The following VWC2 variants were observed in gnomAD, a reference collection of about 807,000 sequenced individuals.
VWC2 encodes von Willebrand factor C domain containing 2.
Under a neutral mutation model 29.8 loss-of-function variants are expected in VWC2, and 14 were observed. The ratio of observed to expected loss-of-function variants is 0.47; its 90% CI spans 0.31 to 0.74. The LOEUF (loss-of-function observed/expected upper bound fraction) is 0.74, where lower values mean the gene tolerates loss of function less well. VWC2 is among the 30% of genes least tolerant of loss of function. The pLI, the probability that VWC2 is intolerant of heterozygous loss-of-function variation, is 0.05. For synonymous variants in VWC2, 213 were observed against 199.0 expected, an observed-to-expected ratio of 1.07 and a Z score of -0.59; for missense variants, 457 against 459.8, an observed-to-expected ratio of 0.99 and a Z score of 0.05.
chr7:49,911,480 CAAAA>C (rs34782644), intron 3 of VWC2, among the ~76,000 whole-genome samples: 1 of 71,628 alleles, frequency 1.4e-5, no homozygotes, highest in Non-Finnish European at 2.5e-5. Flanking sequence ...GACTCTGTCT[CAAAA>C]AAAAAAAAAA....
chr7:49,823,943 C>A (rs984046110), intron 3 of VWC2, among the ~76,000 whole-genome samples: 4 of 150,936 alleles, frequency 2.7e-5, no homozygotes, highest in South Asian at 4.2e-4. Flanking sequence ...TATTGTTATT[C>A]TTTTTATTGT....
chr7:49,906,804 A>C (rs1194619787), intron 3 of VWC2, among the ~76,000 whole-genome samples: 1 of 150,852 alleles, frequency 6.6e-6, no homozygotes, highest in East Asian at 2.1e-4. Context: ...TTCTGCCTCT[A>C]GGATTGTGTG....
chr7:49,836,026 T>A (rs1342715718), intron 3 of VWC2, among the ~76,000 whole-genome samples: 3 of 152,196 alleles, frequency 2.0e-5, no homozygotes, highest in Non-Finnish European at 4.4e-5. Context: ...AATTTGCAAA[T>A]GATAATGAAT....
At chr7:49,901,081 A>C (rs1792698538) in intron 3 of VWC2, 1 of 151,936 alleles carries the variant, frequency 6.6e-6, no homozygotes. Context: ...CAACTTGATA[A>C]AGACTATTTA....
At chr7:49,861,729 A>G (rs1790659729) in intron 3 of VWC2, among the ~76,000 whole-genome samples, 1 of 152,224 alleles carries the variant, frequency 6.6e-6, no homozygotes, top group Non-Finnish European at 1.5e-5. Flanking sequence ...TAGTTGTCCC[A>G]GCACCATTTC....
In VWC2 at chr7:49,791,922, T is replaced by C. The variant is rs115598575; in HGVS notation, c.697-10789T>C. Among the ~76,000 whole-genome samples, 733 of 152,324 alleles carry C rather than the reference T, an allele frequency of 4.8e-3. 3 individuals carry two copies. Among genetic ancestry groups the C allele is most frequent in the African/African-American group, 0.016 (686 of 41,578 alleles). ...CTCATGATTCTTAAAAGCACAGCAA[T>C]TATGTAGTTACTTGTTCTACTTACT... On this transcript the variant is annotated intron_variant, in intron 2 of 3. Coordinates refer to ENST00000340652, the MANE Select transcript of VWC2 (RefSeq NM_198570.5).
At chr7:49,811,783 G>A (rs145104260) in intron 3 of VWC2, among the ~76,000 whole-genome samples, 12 of 152,256 alleles carry the variant, frequency 7.9e-5, no homozygotes, top group Middle Eastern at 3.4e-3. Flanking sequence ...AAAACTTACC[G>A]TATATCCCAG....
chr7:49,897,015 C>T (rs1792420393), intron 3 of VWC2, among the ~76,000 whole-genome samples: 1 of 151,774 alleles, frequency 6.6e-6, no homozygotes, highest in African/African-American at 2.4e-5. Context: ...CCTGCCTCAG[C>T]CTCCCGAGTA....
chr7:49,862,340 A>T (rs1332220015), intron 3 of VWC2, among the ~76,000 whole-genome samples: 2 of 152,128 alleles, frequency 1.3e-5, no homozygotes, highest in Non-Finnish European at 2.9e-5. Context: ...AAGTTTTCTG[A>T]GTTCAATTAT....
Position 49,917,038 on chromosome 7 carries a change from C to G in VWC2, c.*4853C>G, listed in dbSNP as rs1311246757. On this transcript the variant is annotated 3_prime_UTR_variant, in exon 4 of 4. Coordinates refer to ENST00000340652, the MANE Select transcript of VWC2 (RefSeq NM_198570.5). ...TTGATATTTGTTTACTTTCTTATTTCTAATTTTTGGAAAACAATTTTCTTA... is the reference window on the plus strand; with the variant it reads ...TTGATATTTGTTTACTTTCTTATTTGTAATTTTTGGAAAACAATTTTCTTA... 6.6e-6 allele frequency: 1 copy of G among 152,136 alleles called. No individual in the cohort carries two copies. The highest frequency in any genetic ancestry group is 2.1e-4 in the South Asian group (1 of 4,826). The allele number at this position is 152,136 out of a possible 1,614,324, so 9.4% of individuals were successfully genotyped here. A position where few individuals can be genotyped will look rare whatever the true frequency, so the allele number is the denominator to read the frequency against.
In VWC2 at chr7:49,918,654, A is replaced by C. The variant is rs1415412358; in HGVS notation, c.*6469A>C. On this transcript the variant is annotated 3_prime_UTR_variant, in exon 4 of 4. Coordinates refer to ENST00000340652, the MANE Select transcript of VWC2 (RefSeq NM_198570.5). ...CAAGAGAAGTAAACTGCCATTTATTAGGTGATGATTATAGGGCAAACACTA... is the reference window on the plus strand; with the variant it reads ...CAAGAGAAGTAAACTGCCATTTATTCGGTGATGATTATAGGGCAAACACTA... 1 of 152,236 alleles carries C rather than the reference A, an allele frequency of 6.6e-6. No homozygotes were observed. The highest frequency in any genetic ancestry group is 2.4e-5 in the African/African-American group (1 of 41,474). The allele number at this position is 152,236 out of a possible 1,614,324, so 9.4% of individuals were successfully genotyped here.
intron 3 of VWC2, among the ~76,000 whole-genome samples, chr7:49,902,051 T>C (rs1180302741): frequency 2.0e-5 from 3 of 151,886 alleles, no homozygotes; most frequent in Admixed American, 6.6e-5. Flanking sequence ...ATAGATTATA[T>C]ACCTACATGT....
chr7:49,812,538 CA>C (rs1441679747), intron 3 of VWC2, among the ~76,000 whole-genome samples: 1 of 152,110 alleles, frequency 6.6e-6, no homozygotes, highest in Non-Finnish European at 1.5e-5. Context: ...TATTATTTGC[CA>C]GTGTTAAAAT....
At chr7:49,835,052 G>T (rs1312940467) in intron 3 of VWC2, among the ~76,000 whole-genome samples, 1 of 152,232 alleles carries the variant, frequency 6.6e-6, no homozygotes, top group Non-Finnish European at 1.5e-5. Flanking sequence ...TTACAGACAG[G>T]TTCTTAAAGG....
chr7:49,860,143 T>TC (rs1165514981), intron 3 of VWC2, among the ~76,000 whole-genome samples: 1 of 152,204 alleles, frequency 6.6e-6, no homozygotes, highest in Non-Finnish European at 1.5e-5. Flanking sequence ...TTTTTAAGTG[T>TC]TCAATCCAGT....
At chr7:49,824,976 A>G (rs1276706620) in intron 3 of VWC2, among the ~76,000 whole-genome samples, 10 of 152,072 alleles carry the variant, frequency 6.6e-5, no homozygotes, top group African/African-American at 2.4e-4. Flanking sequence ...CTAAGCCCAA[A>G]TTATACATAT....
At chr7:49,882,002 G>A (rs1487919194) in intron 3 of VWC2, among the ~76,000 whole-genome samples, 1 of 151,766 alleles carries the variant, frequency 6.6e-6, no homozygotes, top group African/African-American at 2.4e-5. Flanking sequence ...AAGAAAAAAT[G>A]AAAACAGCTT....
At chr7:49,777,845 T>G (rs746745371) in intron 2 of VWC2, among the ~76,000 whole-genome samples, 16 of 152,156 alleles carry the variant, frequency 1.1e-4, no homozygotes, top group Non-Finnish European at 1.8e-4. Context: ...GCCTTCCATT[T>G]TGGCCTGGAG....
intron 3 of VWC2, among the ~76,000 whole-genome samples, chr7:49,893,454 G>T (rs915080674): frequency 3.3e-5 from 5 of 152,120 alleles, no homozygotes; most frequent in Admixed American, 6.5e-5. Context: ...GATTTTTTTC[G>T]TGCTTGTTTT....
Sources: allele counts gnomAD v4.1 joint callset (sites outside exome capture counted in the v4.1 genomes callset), GRCh38; gene constraint gnomAD v4.1.1; transcripts MANE v1.5; gene names NCBI Gene and HGNC (gene_info 2026-07-23, HGNC 2026-07-21).